CHN1: variants seen among roughly 807,000 people sequenced by gnomAD.
CHN1 encodes the protein chimerin 1, also known as N-chimaerin.
Under a neutral mutation model 59.5 loss-of-function variants are expected in CHN1, and 37 were observed. The ratio of observed to expected loss-of-function variants is 0.62; its 90% CI spans 0.48 to 0.82. The LOEUF is 0.82. CHN1 is among the 40% of genes least tolerant of loss of function. The probability of loss-of-function intolerance (pLI) is 0.00; values close to 1 mark genes in which losing one functional copy is unlikely to be tolerated. For synonymous variants in CHN1, 206 were observed against 200.4 expected, an observed-to-expected ratio of 1.03 and a Z score of -0.24; for missense variants, 469 against 571.0, an observed-to-expected ratio of 0.82 and a Z score of 1.82.
intron 2 of CHN1, among the ~76,000 whole-genome samples, chr2:174,947,487 ATT>A (rs71031076): frequency 2.2e-5 from 3 of 135,636 alleles, no homozygotes; most frequent in African/African-American, 2.8e-5. Flanking sequence ...TTTTTTTTTA[ATT>A]TTTTTTTTTT....
chr2:174,950,165 T>C (rs1194905729), intron 2 of CHN1, among the ~76,000 whole-genome samples: 1 of 152,004 alleles, frequency 6.6e-6, no homozygotes, highest in Non-Finnish European at 1.5e-5. Context: ...GGAGGATCAC[T>C]TGAGCCCAGG....
At chr2:174,921,016 G>C (rs950778193) in intron 3 of CHN1, 3 of 414,496 alleles carry the variant, frequency 7.2e-6, no homozygotes, top group Non-Finnish European at 1.5e-5. Flanking sequence ...TAGGGTTCGC[G>C]TTCCCATGAG....
chr2:174,915,388 T>C, intron 4 of CHN1: 1 of 476,244 alleles, frequency 2.1e-6, no homozygotes, highest in East Asian at 3.2e-5. Flanking sequence ...ACCAAAGTAC[T>C]ACCCAATCCA....
chr2:174,901,354 C>G (rs1267260426), intron 5 of CHN1, among the ~76,000 whole-genome samples: 1 of 152,216 alleles, frequency 6.6e-6, no homozygotes, highest in Non-Finnish European at 1.5e-5. Flanking sequence ...CACTCACTCT[C>G]TTTCCTTAGA....
At chr2:174,859,883 G>C (rs10497432) in intron 6 of CHN1, among the ~76,000 whole-genome samples, 4,343 of 152,164 alleles carry the variant, frequency 0.029, 203 homozygotes, top group African/African-American at 0.099. Flanking sequence ...TCTTAATTCA[G>C]TTCTAAGCCT....
chr2:175,000,529 T>C (rs185144164), intron 1 of CHN1, among the ~76,000 whole-genome samples: 5 of 152,076 alleles, frequency 3.3e-5, no homozygotes, highest in East Asian at 3.9e-4. Flanking sequence ...CTGTAACCTC[T>C]ACCTCCTGGG....
intron 8 of CHN1, among the ~76,000 whole-genome samples, chr2:174,813,074 A>C (rs1226527118): frequency 6.6e-6 from 1 of 152,236 alleles, no homozygotes; most frequent in Non-Finnish European, 1.5e-5. Context: ...TACTAGTGCC[A>C]GGCACTATTC....
intron 3 of CHN1, among the ~76,000 whole-genome samples, chr2:174,938,163 A>G (rs1187883175): frequency 6.6e-6 from 1 of 152,170 alleles, no homozygotes; most frequent in Admixed American, 6.5e-5. Flanking sequence ...ACAGTTAAAT[A>G]CTTAAGGGTG....
chr2:174,826,754 A>G (rs1268919311), intron 7 of CHN1, among the ~76,000 whole-genome samples: 1 of 152,196 alleles, frequency 6.6e-6, no homozygotes, highest in African/African-American at 2.4e-5. Context: ...AGCCTGGGAT[A>G]TTTCTTTATA....
intron 1 of CHN1, among the ~76,000 whole-genome samples, chr2:174,971,440 C>T (rs1690757796): frequency 6.6e-6 from 1 of 152,116 alleles, no homozygotes; most frequent in Non-Finnish European, 1.5e-5. Flanking sequence ...AATAGCAACA[C>T]ATATAACCCA....
intron 8 of CHN1, among the ~76,000 whole-genome samples, chr2:174,815,202 C>T (rs1008412264): frequency 6.6e-5 from 10 of 151,950 alleles, no homozygotes; most frequent in Non-Finnish European, 1.2e-4. Flanking sequence ...CATAGTGAGA[C>T]CCTGCCTCTA....
intron 1 of CHN1, among the ~76,000 whole-genome samples, chr2:174,980,842 T>C (rs1457720691): frequency 1.3e-5 from 2 of 152,316 alleles, no homozygotes; most frequent in East Asian, 3.9e-4. Context: ...CAGTGACTTG[T>C]AATCATGTAA....
In CHN1 at chr2:174,901,368, C is replaced by T. The variant is rs16862901; in HGVS notation, c.260+13690G>A. On this transcript the variant is annotated intron_variant, in intron 5 of 12. Coordinates refer to ENST00000409900, the MANE Select transcript of CHN1 (RefSeq NM_001822.7). ...TCACTCACTCTCTTTCCTTAGATCA[C>T]TCTCACAACGCTTCAGTTCTCAAAT... Among the ~76,000 whole-genome samples the T allele has an allele frequency of 8.5e-3, 1,301 of 152,290 alleles. 25 individuals carry two copies. The highest frequency in any genetic ancestry group is 0.03 in the African/African-American group (1,238 of 41,546).
At chr2:174,811,875 A>G (rs1685087177) in intron 9 of CHN1, among the ~76,000 whole-genome samples, 1 of 152,228 alleles carries the variant, frequency 6.6e-6, no homozygotes, top group African/African-American at 2.4e-5. Flanking sequence ...ATTCTTTTAC[A>G]TAACAGAAGA....
chr2:174,965,786 TTC>T (rs977344608), intron 1 of CHN1, among the ~76,000 whole-genome samples: 1 of 152,218 alleles, frequency 6.6e-6, no homozygotes, highest in African/African-American at 2.4e-5. Context: ...CCTGTTGCTG[TTC>T]TGTTTCGGTT....
At chr2:174,809,328 T>A (rs923453232) in intron 10 of CHN1, among the ~76,000 whole-genome samples, 1 of 152,220 alleles carries the variant, frequency 6.6e-6, no homozygotes, top group African/African-American at 2.4e-5. Flanking sequence ...CACTGTGTGA[T>A]TATTATTTAA....
chr2:174,882,159 A>G (rs1687756938), intron 5 of CHN1, among the ~76,000 whole-genome samples: 1 of 152,230 alleles, frequency 6.6e-6, no homozygotes, highest in Admixed American at 6.5e-5. Context: ...ACCTAGGTAG[A>G]GTTCAGCAAG....
chr2:174,818,641 A>G (rs1189306290), intron 8 of CHN1, among the ~76,000 whole-genome samples: 1 of 139,638 alleles, frequency 7.2e-6, no homozygotes, highest in African/African-American at 3.3e-5. Context: ...ATTTTTTTTT[A>G]TGTTACTATT....
intron 5 of CHN1, among the ~76,000 whole-genome samples, chr2:174,903,035 G>A (rs1688436937): frequency 6.6e-6 from 1 of 152,206 alleles, no homozygotes; most frequent in Non-Finnish European, 1.5e-5. Context: ...CTTCAGAACT[G>A]TAAAGATTGT....
Sources: gnomAD v4.1 joint callset for allele counts (sites outside exome capture counted in the v4.1 genomes callset) on GRCh38, gnomAD v4.1.1 for gene constraint, MANE v1.5 for transcripts, NCBI Gene and HGNC (gene_info 2026-07-23, HGNC 2026-07-21) for gene names.